Variants in RGS7 observed in about 807,000 individuals in gnomAD.
The protein encoded by RGS7 is regulator of G-protein signaling 7.
In RGS7, 27 loss-of-function variants were observed where a neutral mutation model predicts 81.1. The observed-to-expected ratio is 0.33, with a 90% CI of 0.25 to 0.46. The LOEUF is 0.46. RGS7 is among the 20% of genes least tolerant of loss of function. The probability of loss-of-function intolerance (pLI) is 1.00; values close to 1 mark genes in which losing one functional copy is unlikely to be tolerated. For missense variants in RGS7, 396 were observed against 607.4 expected (o/e 0.65, Z 3.66); for synonymous variants, 208 against 207.7 (o/e 1.00, Z -0.01).
intron 3 of RGS7, among the ~76,000 whole-genome samples, chr1:241,014,734 T>C (rs969453120): frequency 2.0e-5 from 3 of 152,214 alleles, no homozygotes; most frequent in Non-Finnish European, 4.4e-5. Context: ...AATATTTCCA[T>C]AAATATCTAC....
At chr1:240,967,396 A>G (rs1190629277) in intron 4 of RGS7, among the ~76,000 whole-genome samples, 1 of 152,186 alleles carries the variant, frequency 6.6e-6, no homozygotes. Context: ...AAAGGGTCGT[A>G]GTTACCCTGT....
chr1:241,318,428 G>A (rs2081014279), intron 2 of RGS7, among the ~76,000 whole-genome samples: 1 of 151,816 alleles, frequency 6.6e-6, no homozygotes, highest in South Asian at 2.1e-4. Context: ...GCATCTAAAA[G>A]GCTTCTATCC....
rs1262668268 is a variant in RGS7 at position 240,826,983 on chromosome 1, GC to G, written c.684+114del. On this transcript the variant is annotated intron_variant, in intron 10 of 18. Coordinates refer to ENST00000440928, the MANE Select transcript of RGS7 (RefSeq NM_001364886.1). ...CTTGAGGAAGGGAGGGCTGTGGAAGGCTGGGAAGAGTGGGAAAGATACTGCA... is the reference window on the plus strand; with the variant it reads ...CTTGAGGAAGGGAGGGCTGTGGAAGGTGGGAAGAGTGGGAAAGATACTGCA... The G allele has an allele frequency of 4.6e-6, 4 of 867,944 alleles. No homozygotes were observed. The African/African-American group carries it at 5.0e-5, about 11-fold the overall frequency. 53.8% of individuals were successfully genotyped at this position (867,944 alleles called of 1,614,324 possible). A position where few individuals can be genotyped will look rare whatever the true frequency, so the allele number is the denominator to read the frequency against.
chr1:240,978,398 G>A (rs1684456545), intron 4 of RGS7, among the ~76,000 whole-genome samples: 1 of 152,092 alleles, frequency 6.6e-6, no homozygotes, highest in Non-Finnish European at 1.5e-5. Context: ...TTTATGCTTA[G>A]AGTCTATGAT....
intron 3 of RGS7, among the ~76,000 whole-genome samples, chr1:241,067,930 T>A (rs371947474): frequency 4.7e-4 from 71 of 149,694 alleles, no homozygotes; most frequent in African/African-American, 1.7e-3. Context: ...CCTAATAGTT[T>A]AGATGCATAA....
intron 2 of RGS7, among the ~76,000 whole-genome samples, chr1:241,352,614 T>A (rs1264837860): frequency 6.6e-6 from 1 of 152,180 alleles, no homozygotes; most frequent in Non-Finnish European, 1.5e-5. Flanking sequence ...CCAACCCTAA[T>A]CCGGATCATG....
intron 4 of RGS7, among the ~76,000 whole-genome samples, chr1:240,961,234 T>C (rs916333718): frequency 6.6e-6 from 1 of 152,196 alleles, no homozygotes; most frequent in East Asian, 1.9e-4. Context: ...TTCCTTCAGC[T>C]AAAGATTATG....
At chr1:241,266,085 C>T (rs549883128) in intron 2 of RGS7, among the ~76,000 whole-genome samples, 4 of 152,114 alleles carry the variant, frequency 2.6e-5, no homozygotes, top group Non-Finnish European at 5.9e-5. Flanking sequence ...TAAGCCACCG[C>T]GCCTGGCCTC....
intron 2 of RGS7, chr1:241,305,528 CT>C (rs58469663): frequency 0.042 from 5,811 of 139,382 alleles, 201 homozygotes; most frequent in African/African-American, 0.1. Context: ...CTCTTCCCAT[CT>C]TTTTTTTTTT....
intron 6 of RGS7, among the ~76,000 whole-genome samples, chr1:240,900,842 T>C (rs1239520283): frequency 6.6e-6 from 1 of 152,180 alleles, no homozygotes; most frequent in Non-Finnish European, 1.5e-5. Context: ...GGCGTTTAAG[T>C]CTGCAGAAGT....
At chr1:241,244,717 CAAT>C (rs1461386486) in intron 2 of RGS7, among the ~76,000 whole-genome samples, 1 of 151,898 alleles carries the variant, frequency 6.6e-6, no homozygotes, top group Non-Finnish European at 1.5e-5. Flanking sequence ...AAATGTCCAA[CAAT>C]GATAGACTGG....
chr1:241,101,838 C>G (rs1000279559), intron 2 of RGS7, among the ~76,000 whole-genome samples: 1 of 152,218 alleles, frequency 6.6e-6, no homozygotes, highest in Non-Finnish European at 1.5e-5. Flanking sequence ...CTCACACTTT[C>G]ATCTCAGCAC....
intron 3 of RGS7, among the ~76,000 whole-genome samples, chr1:241,084,979 G>A (rs1462023364): frequency 1.3e-5 from 2 of 152,202 alleles, no homozygotes. Flanking sequence ...TTTAATAGGG[G>A]CCTTTTTATT....
chr1:241,347,770 G>A (rs1478754704), intron 2 of RGS7, among the ~76,000 whole-genome samples: 1 of 151,884 alleles, frequency 6.6e-6, no homozygotes, highest in Admixed American at 6.6e-5. Context: ...TCAGACCACT[G>A]AAAGTTTCAA....
intron 2 of RGS7, among the ~76,000 whole-genome samples, chr1:241,107,840 G>C (rs191824500): frequency 2.6e-5 from 4 of 152,272 alleles, no homozygotes; most frequent in African/African-American, 9.6e-5. Flanking sequence ...ACTGGAGGTG[G>C]AGTTGGAAGG....
intron 9 of RGS7, among the ~76,000 whole-genome samples, chr1:240,827,864 C>CAA (rs57562408): frequency 0.074 from 3,906 of 52,626 alleles, 407 homozygotes; most frequent in Middle Eastern, 0.16. Flanking sequence ...AACTCCATTG[C>CAA]AAAAAAAAAA....
intron 2 of RGS7, among the ~76,000 whole-genome samples, chr1:241,105,898 T>C (rs1000441267): frequency 5.9e-5 from 9 of 152,318 alleles, no homozygotes; most frequent in South Asian, 2.1e-4. Flanking sequence ...AGTGGGCAGA[T>C]TGAATGGCTT....
At chr1:241,236,171 C>T (rs867041248) in intron 2 of RGS7, among the ~76,000 whole-genome samples, 2 of 147,552 alleles carry the variant, frequency 1.4e-5, no homozygotes, top group Non-Finnish European at 3.0e-5. Flanking sequence ...ACGACCTCCG[C>T]CCCCCATATT....
intron 3 of RGS7, among the ~76,000 whole-genome samples, chr1:241,020,357 A>C (rs1178836376): frequency 6.6e-6 from 1 of 151,938 alleles, no homozygotes; most frequent in East Asian, 1.9e-4. Flanking sequence ...ACAGGGTCAT[A>C]CTCCCTTCAA....
Sources: allele counts gnomAD v4.1 joint callset (sites outside exome capture counted in the v4.1 genomes callset), GRCh38; gene constraint gnomAD v4.1.1; transcripts MANE v1.5; gene names NCBI Gene and HGNC (gene_info 2026-07-23, HGNC 2026-07-21).